NDUFAF6: variants seen among roughly 807,000 people sequenced by gnomAD.
NDUFAF6 encodes the protein NADH dehydrogenase (ubiquinone) complex I, assembly factor 6.
Under a neutral mutation model 40.8 loss-of-function variants are expected in NDUFAF6, and 45 were observed. That is an observed-to-expected ratio of 1.10 (90% CI 0.87 to 1.42). The LOEUF is 1.42. Ranked by LOEUF, NDUFAF6 falls within the 40% of genes most tolerant of loss-of-function variation. The pLI is 0.00. For synonymous variants in NDUFAF6, 185 were observed against 155.9 expected (o/e 1.19, Z -1.39); for missense variants, 435 against 418.5 (o/e 1.04, Z -0.34).
At chr8:94,899,746 C>G (rs1817893586) in intron 1 of NDUFAF6, among the ~76,000 whole-genome samples, 1 of 152,210 alleles carries the variant, frequency 6.6e-6, no homozygotes, top group African/African-American at 2.4e-5. Flanking sequence ...CAGTGCAATA[C>G]TCTTCTAACT....
intron 1 of NDUFAF6, among the ~76,000 whole-genome samples, chr8:94,980,381 G>T (rs185109720): frequency 9.9e-5 from 15 of 151,258 alleles, no homozygotes; most frequent in Non-Finnish European, 1.9e-4. Context: ...TCCCAAGAAA[G>T]GTGTGACGGG....
chr8:95,100,027 G>A (rs1439112886), upstream of NDUFAF6, among the ~76,000 whole-genome samples: 1 of 152,162 alleles, frequency 6.6e-6, no homozygotes, highest in Non-Finnish European at 1.5e-5. Context: ...TAAATCATAC[G>A]TGAGGCTTGG....
intron 1 of NDUFAF6, chr8:94,930,690 CAATG>C: frequency 6.2e-7 from 1 of 1,614,190 alleles, no homozygotes; most frequent in Non-Finnish European, 8.5e-7. Context: ...TGCAACATAA[CAATG>C]AATATGCTGC....
At chr8:94,955,007 A>G (rs192658124), upstream of NDUFAF6, among the ~76,000 whole-genome samples, 1 of 152,316 alleles carries the variant, frequency 6.6e-6, no homozygotes, top group East Asian at 1.9e-4. Flanking sequence ...TAAGGAAGGA[A>G]AGAACAGATA....
intron 1 of NDUFAF6, chr8:94,932,160 A>G: frequency 6.4e-7 from 1 of 1,568,410 alleles, no homozygotes; most frequent in Non-Finnish European, 8.7e-7. Context: ...TTAAAATGCT[A>G]TTGTAACTTT....
intron 2 of NDUFAF6, among the ~76,000 whole-genome samples, chr8:94,952,061 G>A (rs992947310): frequency 6.6e-6 from 1 of 152,246 alleles, no homozygotes; most frequent in Non-Finnish European, 1.5e-5. Context: ...ACCCCCTGCT[G>A]TGGGGGTGAC....
intron 2 of NDUFAF6, among the ~76,000 whole-genome samples, chr8:95,010,339 G>A (rs1435492784): frequency 6.6e-6 from 1 of 152,056 alleles, no homozygotes; most frequent in Non-Finnish European, 1.5e-5. Context: ...AGGAGGCCTC[G>A]GCCTCCCAAA....
At chr8:95,110,233 T>G (rs78630713) in intron 4 of NDUFAF6, among the ~76,000 whole-genome samples, 326 of 152,288 alleles carry the variant, frequency 2.1e-3, no homozygotes, top group Non-Finnish European at 3.3e-3. Context: ...TGTGATCTCA[T>G]TAGTATCTCG....
chr8:94,944,824 T>C (rs934358151), intron 1 of NDUFAF6, among the ~76,000 whole-genome samples: 1 of 152,050 alleles, frequency 6.6e-6, no homozygotes, highest in Admixed American at 6.5e-5. Context: ...GTTGGGAAAA[T>C]GGGGAGACTG....
chr8:94,959,549 T>TTTAG, intron 1 of NDUFAF6, among the ~76,000 whole-genome samples: 1 of 83,060 alleles, frequency 1.2e-5, no homozygotes, highest in Non-Finnish European at 3.0e-5. Flanking sequence ...GTTTTTTTTT[T>TTTAG]AGAGACAGTC....
At chr8:94,991,803 C>G (rs985632798) in intron 2 of NDUFAF6, among the ~76,000 whole-genome samples, 1 of 141,814 alleles carries the variant, frequency 7.1e-6, no homozygotes, top group Non-Finnish European at 1.5e-5. Context: ...TTCGCCCCCC[C>G]CCCCTTTTTT....
rs148968090 is a variant in NDUFAF6, at chr8:94,999,419, G to C, written c.-84+18446G>C. On this transcript the variant is annotated intron_variant, in intron 2 of 9. Transcript: ENST00000396111. ...TTACAGGCGTGAGCTGCCACACCCA[G>C]CCTCTTTTTTTCTTTTGAGATGGAG... Among the ~76,000 whole-genome samples the C allele has an allele frequency of 8.9e-3, 1,347 of 151,754 alleles. 20 individuals carry two copies. Among genetic ancestry groups the C allele is most frequent in the African/African-American group, 0.03 (1,228 of 41,370 alleles).
At chr8:95,096,818 A>G (rs902337344), upstream of NDUFAF6, among the ~76,000 whole-genome samples, 2 of 152,188 alleles carry the variant, frequency 1.3e-5, no homozygotes, top group Non-Finnish European at 2.9e-5. Context: ...CTGAGTTTCT[A>G]TGGGGCAAGA....
At chr8:95,001,643 T>C (rs1462854251) in intron 2 of NDUFAF6, among the ~76,000 whole-genome samples, 3 of 152,204 alleles carry the variant, frequency 2.0e-5, no homozygotes, top group African/African-American at 7.2e-5. Context: ...CCCCCAAGAT[T>C]ATCCAAAAAC....
At chr8:94,939,723 G>C (rs1018002169) in intron 1 of NDUFAF6, 1 of 1,235,438 alleles carries the variant, frequency 8.1e-7, no homozygotes. Context: ...GGACCATCTT[G>C]TGTACTATGC....
At chr8:95,092,183 ATTTT>A (rs10689536) in intron 2 of NDUFAF6, among the ~76,000 whole-genome samples, 1 of 142,506 alleles carries the variant, frequency 7.0e-6, no homozygotes, top group Admixed American at 7.0e-5. Context: ...CTTTGACACA[ATTTT>A]TTTTTTTTTT....
intron 6 of NDUFAF6, among the ~76,000 whole-genome samples, chr8:95,047,557 TG>T (rs1830932077): frequency 6.7e-6 from 1 of 149,690 alleles, no homozygotes; most frequent in Non-Finnish European, 1.5e-5. Context: ...TCACCCAGGC[TG>T]GAGTGCAGTG....
intron 1 of NDUFAF6, among the ~76,000 whole-genome samples, chr8:95,031,018 G>A (rs1828765986): frequency 6.6e-6 from 1 of 152,210 alleles, no homozygotes; most frequent in South Asian, 2.1e-4. Context: ...TCCCCAAGGG[G>A]ATGGCACCAA....
intron 2 of NDUFAF6, among the ~76,000 whole-genome samples, chr8:95,006,885 A>C (rs978222554): frequency 1.3e-5 from 2 of 152,122 alleles, no homozygotes; most frequent in Non-Finnish European, 2.9e-5. Context: ...TTGTCTCAAA[A>C]GAAAAGCATA....
Sources: allele counts gnomAD v4.1 joint callset (sites outside exome capture counted in the v4.1 genomes callset), GRCh38; gene constraint gnomAD v4.1.1; transcripts MANE v1.5; gene names NCBI Gene and HGNC (gene_info 2026-07-23, HGNC 2026-07-21).